The following GLI3 variants were observed in gnomAD, a reference collection of about 807,000 sequenced individuals.
GLI3 encodes the protein transcription activator GLI3.
Under a neutral mutation model 100.8 loss-of-function variants are expected in GLI3, and 20 were observed. That is an observed-to-expected ratio of 0.20 (90% CI 0.14 to 0.29). GLI3 has a LOEUF of 0.29. Among genes scored for constraint, GLI3 ranks in the 10% least tolerant of loss-of-function variants. The probability of loss-of-function intolerance (pLI) is 1.00; values close to 1 mark genes in which losing one functional copy is unlikely to be tolerated. For synonymous variants in GLI3, 938 were observed against 860.5 expected (o/e 1.09, Z -1.58); for missense variants, 2,040 against 2,128.5 (o/e 0.96, Z 0.82).
chr7:42,148,005 T>C (rs1375496581), intron 3 of GLI3, among the ~76,000 whole-genome samples: 2 of 152,252 alleles, frequency 1.3e-5, no homozygotes, highest in Non-Finnish European at 2.9e-5. Flanking sequence ...TGAAGACTGA[T>C]GTTGCTTAGA....
At chr7:42,251,897 T>C (rs188851609) in intron 1 of GLI3, among the ~76,000 whole-genome samples, 233 of 152,086 alleles carry the variant, frequency 1.5e-3, no homozygotes, top group Non-Finnish European at 2.0e-3. Context: ...TCTAGTGTGA[T>C]CGAGTGGAAC....
At chr7:42,020,198 AGACTACCTG>A (rs1788896919) in intron 10 of GLI3, among the ~76,000 whole-genome samples, 1 of 152,218 alleles carries the variant, frequency 6.6e-6, no homozygotes, top group Admixed American at 6.5e-5. Context: ...AGTGGAAATC[AGACTACCTG>A]GCGGGCAAAG....
chr7:41,968,751 A>AGAAGGAAG lies in GLI3; in HGVS notation c.2104-829_2104-828insCTTCCTTC, dbSNP rs1472841331. On this transcript the variant is annotated intron_variant, in intron 13 of 14. Coordinates refer to ENST00000395925, the MANE Select transcript of GLI3 (RefSeq NM_000168.6). ...AAGAAAGAAAGAAAGAAAGAAAGAAAGAAAGAAAGAAGGAAAGAAAGAAAG... is the reference window on the plus strand; with the variant it reads ...AAGAAAGAAAGAAAGAAAGAAAGAAAGAAGGAAGGAAAGAAAGAAGGAAAGAAAGAAAG... 3.6e-4 allele frequency among the ~76,000 whole-genome samples: 37 copies of AGAAGGAAG among 102,606 alleles called. 1 individual carries two copies. The highest frequency in any genetic ancestry group is 2.4e-3 in the Admixed American group (25 of 10,230). 67.3% of individuals were successfully genotyped at this position (102,606 alleles called of 152,430 possible). A position where few individuals can be genotyped will look rare whatever the true frequency, so the allele number is the denominator to read the frequency against.
chr7:42,236,733 G>T (rs1275778679), intron 1 of GLI3, among the ~76,000 whole-genome samples: 2 of 152,234 alleles, frequency 1.3e-5, no homozygotes, highest in Non-Finnish European at 2.9e-5. Context: ...TCTCCAATCC[G>T]TCTCCGGCCG....
chr7:42,051,313 C>T (rs780284611), intron 4 of GLI3, among the ~76,000 whole-genome samples: 1 of 152,166 alleles, frequency 6.6e-6, no homozygotes, highest in Non-Finnish European at 1.5e-5. Flanking sequence ...TGATACTCAC[C>T]TTCTCCTCTT....
chr7:42,223,117 C>T lies in GLI3; in HGVS notation c.124+13G>A. ...CTCCAGGCTGGGCTGCTGGTAATCC[C>T]TGTGCTGCTCACCATTAGAAGTGGT... On this transcript the variant is annotated intron_variant, in intron 2 of 14. Transcript: ENST00000395925. 2.5e-6 allele frequency: 4 copies of T among 1,613,706 alleles called. No individual in the cohort carries two copies. The highest frequency in any genetic ancestry group is 4.5e-5 in the East Asian group (2 of 44,862).
At chr7:42,092,782 T>C (rs928711365) in intron 3 of GLI3, among the ~76,000 whole-genome samples, 1 of 151,590 alleles carries the variant, frequency 6.6e-6, no homozygotes, top group African/African-American at 2.4e-5. Flanking sequence ...TTATTTTATT[T>C]CATTTTATTT....
chr7:42,089,588 T>A (rs1785173598), intron 3 of GLI3, among the ~76,000 whole-genome samples: 2 of 152,242 alleles, frequency 1.3e-5, no homozygotes, highest in Non-Finnish European at 2.9e-5. Flanking sequence ...CACTGAATGA[T>A]GCATGCTGCA....
At chr7:41,978,872 C>G in intron 10 of GLI3, 124 bp from the exon 11 acceptor site, 1 of 856,144 alleles carries the variant, frequency 1.2e-6, no homozygotes. Flanking sequence ...AATAACTTTA[C>G]CATATTACAG....
intron 10 of GLI3, among the ~76,000 whole-genome samples, chr7:42,009,613 T>C (rs963079226): frequency 1.3e-5 from 2 of 151,948 alleles, no homozygotes. Context: ...ACGATCTTAC[T>C]CTTGTGTCAG....
chr7:41,970,304 A>T (rs1236794279), intron 13 of GLI3, among the ~76,000 whole-genome samples: 2 of 152,162 alleles, frequency 1.3e-5, no homozygotes, highest in African/African-American at 2.4e-5. Flanking sequence ...AGAAAACTAG[A>T]AATGTAAATT....
chr7:42,160,008 T>C (rs1189287806), intron 2 of GLI3, among the ~76,000 whole-genome samples: 2 of 152,236 alleles, frequency 1.3e-5, no homozygotes, highest in Non-Finnish European at 2.9e-5. Flanking sequence ...CTCCCAGACT[T>C]GCTCCTAGCA....
intron 1 of GLI3, among the ~76,000 whole-genome samples, chr7:42,232,838 A>G (rs1788720176): frequency 2.0e-5 from 3 of 152,250 alleles, no homozygotes; most frequent in African/African-American, 7.2e-5. Context: ...TTAGAAGGCC[A>G]TAGATTTTCT....
rs3801224 is a variant in GLI3 at position 42,210,630 on chromosome 7, T to G, written c.124+12500A>C. 2.0e-4 allele frequency among the ~76,000 whole-genome samples: 30 copies of G among 152,216 alleles called. No individual in the cohort carries two copies. The East Asian group carries it at 5.6e-3, about 28-fold the overall frequency. ...ACCCCTAACTCGCAACTCTGAACTT[T>G]TTGAAAAAGTAGTAAACGAAAATAA... On this transcript the variant is annotated intron_variant, in intron 2 of 14. Transcript: ENST00000395925.
chr7:42,040,427 A>G (rs758986939), intron 6 of GLI3, among the ~76,000 whole-genome samples, 188 bp from the exon 7 acceptor site: 1 of 152,224 alleles, frequency 6.6e-6, no homozygotes, highest in Non-Finnish European at 1.5e-5. Flanking sequence ...TTTGTCTTCC[A>G]GGGGCTTACC....
intron 3 of GLI3, among the ~76,000 whole-genome samples, chr7:42,099,135 C>T (rs1442368351): frequency 6.6e-6 from 1 of 152,190 alleles, no homozygotes; most frequent in Non-Finnish European, 1.5e-5. Flanking sequence ...CTCTTCCCCA[C>T]TATCCACATA....
At chr7:42,257,656 T>C (rs1367428945) in intron 1 of GLI3, among the ~76,000 whole-genome samples, 1 of 152,162 alleles carries the variant, frequency 6.6e-6, no homozygotes, top group East Asian at 1.9e-4. Context: ...TTCAGTCTTT[T>C]ACTGTTAAAA....
chr7:42,173,136 T>C (rs960409783), intron 2 of GLI3, among the ~76,000 whole-genome samples: 1 of 152,222 alleles, frequency 6.6e-6, no homozygotes, highest in African/African-American at 2.4e-5. Context: ...CCATAAGTGC[T>C]GGTGAAATAC....
intron 2 of GLI3, among the ~76,000 whole-genome samples, chr7:42,214,444 C>A (rs1291149865): frequency 6.8e-6 from 1 of 147,964 alleles, no homozygotes; most frequent in Non-Finnish European, 1.5e-5. Flanking sequence ...TGGAACTCAA[C>A]TTTCTACAAC....
Sources: gnomAD v4.1 joint callset for allele counts (sites outside exome capture counted in the v4.1 genomes callset) on GRCh38, gnomAD v4.1.1 for gene constraint, MANE v1.5 for transcripts, NCBI Gene and HGNC (gene_info 2026-07-23, HGNC 2026-07-21) for gene names.